The following GPN2 variants were observed in gnomAD, a reference collection of about 807,000 sequenced individuals.
GPN2 encodes GPN-loop GTPase 2.
A neutral mutation model predicts 30.1 loss-of-function variants in GPN2; 27 were observed. That is an observed-to-expected ratio of 0.90 (90% CI 0.66 to 1.24). The LOEUF is 1.24. GPN2 is among the 50% of genes most tolerant of loss of function. The probability of loss-of-function intolerance (pLI) is 0.00; values close to 1 mark genes in which losing one functional copy is unlikely to be tolerated. For missense variants in GPN2, 406 were observed against 405.4 expected, an observed-to-expected ratio of 1.00 and a Z score of -0.01; for synonymous variants, 212 against 174.4, an observed-to-expected ratio of 1.22 and a Z score of -1.70.
intron 1 of GPN2, 73 bp downstream of exon 1, chr1:26,889,613 G>A (rs1314000921): frequency 7.1e-7 from 1 of 1,401,382 alleles, no homozygotes; most frequent in Admixed American, 2.2e-5. Flanking sequence ...TGTGTGACAT[G>A]GGGGCGTGGC....
chr1:26,884,534 A>G (rs2081881349), intron 3 of GPN2, among the ~76,000 whole-genome samples: 1 of 152,152 alleles, frequency 6.6e-6, no homozygotes, highest in South Asian at 2.1e-4. Flanking sequence ...CCTATTGTAC[A>G]TGGTATCCCT....
Position 26,879,346 on chromosome 1 carries a change from G to A in GPN2, c.*331C>T, listed in dbSNP as rs1279861511. ...CATTCTTCCCCAAACCCCTGGGCCC[G>A]GAAGACTGAAGAAAAGTTTGGAAGT... On this transcript the variant is annotated 3_prime_UTR_variant, in exon 5 of 5. Coordinates refer to ENST00000374135, the MANE Select transcript of GPN2 (RefSeq NM_018066.4). The A allele has an allele frequency of 1.8e-5, 5 of 277,668 alleles. No individual in the cohort carries two copies. The highest frequency in any genetic ancestry group is 3.5e-5 in the Non-Finnish European group (5 of 141,646). The allele number at this position is 277,668 out of a possible 1,614,324, so 17.2% of individuals were successfully genotyped here.
chr1:26,884,348 T>C (rs2081880445), intron 3 of GPN2, 58 bp from the exon 4 acceptor site: 1 of 1,550,122 alleles, frequency 6.5e-7, no homozygotes, highest in Non-Finnish European at 8.7e-7. Flanking sequence ...TAAAACTGCT[T>C]GCAATCTCTA....
In GPN2 at chr1:26,884,359, A is replaced by T. The variant is rs1204670769; in HGVS notation, c.730-69T>A. 3 of 1,497,484 alleles carry T rather than the reference A, an allele frequency of 2.0e-6. No individual in the cohort carries two copies. The East Asian group carries it at 6.9e-5, about 35-fold the overall frequency. 92.8% of individuals were successfully genotyped at this position (1,497,484 alleles called of 1,614,324 possible). On this transcript the variant is annotated intron_variant, in intron 3 of 4. Transcript: ENST00000374135. ...TATGTAAAACTGCTTGCAATCTCTA[A>T]ATACACCTTCCTCCATCTTGCCTCT... is the stretch of plus-strand genomic sequence containing the variant.
At chr1:26,888,884 C>T (rs1461497272) in intron 2 of GPN2, 85 bp downstream of exon 2, 2 of 1,388,236 alleles carry the variant, frequency 1.4e-6, no homozygotes, top group African/African-American at 1.4e-5. Context: ...CGCAAGGCAC[C>T]AGAGGCAGCT....
chr1:26,886,318 T>C lies in GPN2; in HGVS notation c.569-185A>G, dbSNP rs115635359. On this transcript the variant is annotated intron_variant, in intron 2 of 4. Transcript: ENST00000374135. ...CTGGCTCTGCTATTTACTAGCTATATAGGCAGGTATCTACTTCATAGGACT... is the reference window on the plus strand; with the variant it reads ...CTGGCTCTGCTATTTACTAGCTATACAGGCAGGTATCTACTTCATAGGACT... The C allele has an allele frequency of 6.0e-4, 368 of 613,890 alleles. 1 individual carries two copies. In the African/African-American group the frequency reaches 6.1e-3, roughly 10 times the overall value. 38.0% of individuals were successfully genotyped at this position (613,890 alleles called of 1,614,324 possible).
At chr1:26,879,993 G>A (rs41303637) in intron 4 of GPN2, among the ~76,000 whole-genome samples, 34 of 152,292 alleles carry the variant, frequency 2.2e-4, no homozygotes, top group South Asian at 1.0e-3. Context: ...GCAATTTTGC[G>A]TTATGGCACA....
chr1:26,888,832 G>T, intron 2 of GPN2, 137 bp downstream of exon 2: 1 of 772,320 alleles, frequency 1.3e-6, no homozygotes. Context: ...AAAATAAATG[G>T]GCAGGAGTTA....
chr1:26,886,194 GTTCCTTT>G, intron 2 of GPN2, 61 bp from the exon 3 acceptor site: 1 of 1,272,036 alleles, frequency 7.9e-7, no homozygotes. Context: ...TGAGGACGAG[GTTCCTTT>G]TTCCTTTTTT....
chr1:26,890,091 T>C lies in GPN2; in HGVS notation c.6A>G (p.Ala2=), dbSNP rs2081913725. The C allele has an allele frequency of 2.0e-6, 3 of 1,527,506 alleles. No individual in the cohort carries two copies. Among genetic ancestry groups the C allele is most frequent in the African/African-American group, 1.4e-5 (1 of 72,458 alleles). 94.6% of individuals were successfully genotyped at this position (1,527,506 alleles called of 1,614,324 possible). Residue 2 remains alanine, a synonymous_variant, in exon 1 of 5, where the codon GCA becomes GCG. Coordinates refer to ENST00000374135, the MANE Select transcript of GPN2 (RefSeq NM_018066.4). M[A]GAAPTTAFGQ... ...CGAAGGCCGTGGTCGGAGCGGCCCCTGCCATTGGCGGCCCGCGGCCCGGAG... is the reference window on the plus strand; with the variant it reads ...CGAAGGCCGTGGTCGGAGCGGCCCCCGCCATTGGCGGCCCGCGGCCCGGAG...
rs184357706 is a variant in GPN2 at position 26,886,226 on chromosome 1, T to C, written c.569-93A>G. ...TTTCCTTTTTTCCTTTGTGCACTCA[T>C]GCACTCAAATATTTCTTGACACAGT... On this transcript the variant is annotated intron_variant, in intron 2 of 4. Coordinates refer to ENST00000374135, the MANE Select transcript of GPN2 (RefSeq NM_018066.4). The C allele has an allele frequency of 1.2e-4, 90 of 765,962 alleles. No individual in the cohort carries two copies. The African/African-American group carries it at 1.4e-3, about 12-fold the overall frequency. The allele number at this position is 765,962 out of a possible 1,614,324, so 47.4% of individuals were successfully genotyped here.
intron 2 of GPN2, 142 bp downstream of exon 2, chr1:26,888,827 A>T: frequency 1.3e-6 from 1 of 753,402 alleles, no homozygotes; most frequent in Non-Finnish European, 2.3e-6. Flanking sequence ...GGCACAAAAT[A>T]AATGGGCAGG....
At chr1:26,889,518 T>G (rs1355416196) in intron 1 of GPN2, among the ~76,000 whole-genome samples, 168 bp downstream of exon 1, 2 of 152,296 alleles carry the variant, frequency 1.3e-5, no homozygotes, top group East Asian at 3.9e-4. Flanking sequence ...AACTGACTTA[T>G]CAACACCACA....
Position 26,879,485 on chromosome 1 carries a change from G to C in GPN2, c.*192C>G. 1 of 605,034 alleles carries C rather than the reference G, an allele frequency of 1.7e-6. No homozygotes were observed. Among genetic ancestry groups the C allele is most frequent in the South Asian group, 1.9e-5 (1 of 53,676 alleles). 37.5% of individuals were successfully genotyped at this position (605,034 alleles called of 1,614,324 possible). On this transcript the variant is annotated 3_prime_UTR_variant, in exon 5 of 5. Coordinates refer to ENST00000374135, the MANE Select transcript of GPN2 (RefSeq NM_018066.4). Reference sequence around the variant, plus strand: ...CCAGAGCTCACGGACACCACTGACAGTATGGGGGGTGTTCTGCTTGGCACC... The same window carrying C: ...CCAGAGCTCACGGACACCACTGACACTATGGGGGGTGTTCTGCTTGGCACC...
At chr1:26,888,922 CT>C in intron 2 of GPN2, 46 bp downstream of exon 2, 2 of 1,601,710 alleles carry the variant, frequency 1.2e-6, no homozygotes, top group Non-Finnish European at 1.7e-6. Flanking sequence ...CTGCTTCATT[CT>C]AGCCCAGCTG....
In GPN2 at chr1:26,885,987, G is replaced by C; in HGVS notation, c.715C>G (p.Pro239Ala). Reference protein sequence around the residue: ...IEDYSLVSFIPLNIQDKESIQ... With the variant: ...IEDYSLVSFIALNIQDKESIQ... ...GCCCCTAGTACCTGGATGTTGAGAG[G>C]GATAAAGGAGACAAGGCTATAGTCT... Residue 239 changes from proline to alanine, a missense_variant, in exon 3 of 5, where the codon CCT (proline) becomes GCT (alanine). Pro to Ala is a conservative substitution (Grantham distance 27, BLOSUM62 -1). Transcript: ENST00000374135. 1 of 1,612,320 alleles carries C rather than the reference G, an allele frequency of 6.2e-7. No individual in the cohort carries two copies. The highest frequency in any genetic ancestry group is 8.5e-7 in the Non-Finnish European group (1 of 1,178,510).
At position 26,889,965 on chromosome 1, in the gene GPN2, G is replaced by A; in HGVS notation, c.132C>T (p.Asn44=). 1 of 1,605,402 alleles carries A rather than the reference G, an allele frequency of 6.2e-7. No homozygotes were observed. Among genetic ancestry groups the A allele is most frequent in the Non-Finnish European group, 8.5e-7 (1 of 1,179,254 alleles). ...GCAGCCCCTCGTTGGCCGGGTCCAG[G>A]TTCACCACCGCCACGCGCCGGCCCA... ...RALGRRVAVV[N]LDPANEGLPY... Residue 44 remains asparagine (N), a synonymous_variant, in exon 1 of 5, where the codon AAC becomes AAT. Coordinates refer to ENST00000374135, the MANE Select transcript of GPN2 (RefSeq NM_018066.4).
chr1:26,887,694 TGGGACTACA>T (rs1169729916), intron 2 of GPN2, among the ~76,000 whole-genome samples: 5 of 151,696 alleles, frequency 3.3e-5, no homozygotes, highest in Non-Finnish European at 7.4e-5. Flanking sequence ...CCTGAGTAGC[TGGGACTACA>T]GGTGCCCGCC....
At position 26,889,943 on chromosome 1, in the gene GPN2, GC is replaced by G; in HGVS notation, c.153del (p.Leu52CysfsTer18). ...ACGTCCACGGCACACTCGTACGGCA[GC>G]CCCTCGTTGGCCGGGTCCAGGTTCA... is the stretch of plus-strand genomic sequence containing the variant. ...AVVNLDPANEGLPYECAVDVG... is the reference protein window; with the variant it reads ...AVVNLDPANEXLPYECAVDVG... On this transcript the variant is annotated frameshift_variant, in exon 1 of 5. Transcript: ENST00000374135. LOFTEE classifies it high-confidence loss of function. The G allele has an allele frequency of 6.2e-7, 1 of 1,608,402 alleles. No homozygotes were observed. The highest frequency in any genetic ancestry group is 8.5e-7 in the Non-Finnish European group (1 of 1,179,320).
Sources: allele counts gnomAD v4.1 joint callset (sites outside exome capture counted in the v4.1 genomes callset), GRCh38; gene constraint gnomAD v4.1.1; transcripts MANE v1.5; gene names NCBI Gene and HGNC (gene_info 2026-07-23, HGNC 2026-07-21).